Variants in ZNF717 observed in about 807,000 individuals in gnomAD.
ZNF717 encodes the protein zinc finger protein 717.
Under a neutral mutation model 13.8 loss-of-function variants are expected in ZNF717, and 9 were observed. That is an observed-to-expected ratio of 0.65 (90% CI 0.39 to 1.14). The LOEUF (loss-of-function observed/expected upper bound fraction) is 1.14. ZNF717 is among the 50% of genes most tolerant of loss of function. The pLI, the probability that ZNF717 is intolerant of heterozygous loss-of-function variation, is 0.01. For missense variants in ZNF717, 1,040 were observed against 1,080.7 expected (o/e 0.96, Z 0.53); for synonymous variants, 327 against 364.1 (o/e 0.90, Z 1.16).
At chr3:75,726,396 GTGGATCACT>G (rs1490295619), downstream of ZNF717, among the ~76,000 whole-genome samples, 1 of 152,254 alleles carries the variant, frequency 6.6e-6, no homozygotes, top group Non-Finnish European at 1.5e-5. Flanking sequence ...GTTGAGGCAG[GTGGATCACT>G]TGGGCTCATG....
intron 2 of ZNF717, among the ~76,000 whole-genome samples, chr3:75,780,060 C>A (rs562254798): frequency 7.0e-6 from 1 of 142,160 alleles, no homozygotes; most frequent in Non-Finnish European, 1.5e-5. Context: ...ATGGGAGTGA[C>A]GTGCTAAGCC....
intron 2 of ZNF717, among the ~76,000 whole-genome samples, chr3:75,756,095 A>G (rs1212106996): frequency 6.6e-6 from 1 of 152,170 alleles, no homozygotes; most frequent in Non-Finnish European, 1.5e-5. Context: ...TGCTCACTTC[A>G]CGTCTCTGTC....
chr3:75,701,381 T>C (rs796490464), intron 6 of ZNF717, among the ~76,000 whole-genome samples: 1 of 152,422 alleles, frequency 6.6e-6, no homozygotes, highest in African/African-American at 2.4e-5. Flanking sequence ...TTATAAATTA[T>C]TCAGTCTTGC....
At chr3:75,781,628 T>C (rs1944828937) in intron 2 of ZNF717, among the ~76,000 whole-genome samples, 1 of 152,184 alleles carries the variant, frequency 6.6e-6, no homozygotes. Context: ...TCCATTTGGC[T>C]CCTTCATTTA....
chr3:75,712,793 T>C (rs1937967913), intron 5 of ZNF717, among the ~76,000 whole-genome samples: 1 of 150,904 alleles, frequency 6.6e-6, no homozygotes, highest in African/African-American at 2.4e-5. Flanking sequence ...ACTGTTTTTT[T>C]GCTGAATCAA....
chr3:75,730,769 C>T (rs1283336821), intron 5 of ZNF717, among the ~76,000 whole-genome samples: 6 of 152,276 alleles, frequency 3.9e-5, no homozygotes, highest in Admixed American at 2.6e-4. Flanking sequence ...ACTGTTAAAA[C>T]CAAGAAGGAA....
intron 2 of ZNF717, among the ~76,000 whole-genome samples, chr3:75,767,714 G>A (rs1248583306): frequency 6.6e-6 from 1 of 152,224 alleles, no homozygotes; most frequent in Non-Finnish European, 1.5e-5. Context: ...TCTGCCTAAG[G>A]AGACATCTGA....
At chr3:75,771,767 A>AGCT (rs1006327826) in intron 2 of ZNF717, among the ~76,000 whole-genome samples, 1 of 152,256 alleles carries the variant, frequency 6.6e-6, no homozygotes, top group African/African-American at 2.4e-5. Context: ...TCCCAGGCAC[A>AGCT]GCTGCAGCCA....
intron 2 of ZNF717, among the ~76,000 whole-genome samples, chr3:75,750,875 T>G (rs1941710983): frequency 6.6e-6 from 1 of 151,776 alleles, no homozygotes; most frequent in African/African-American, 2.4e-5. Flanking sequence ...TATGAGGGTC[T>G]GAACGTTTGT....
intron 6 of ZNF717, among the ~76,000 whole-genome samples, chr3:75,698,047 G>T (rs1937623466): frequency 6.6e-6 from 1 of 152,298 alleles, no homozygotes; most frequent in Admixed American, 6.5e-5. Flanking sequence ...GTTTGAATTT[G>T]AAATTGATGA....
intron 5 of ZNF717, among the ~76,000 whole-genome samples, chr3:75,713,335 G>C (rs1235195167): frequency 6.6e-6 from 1 of 151,844 alleles, no homozygotes; most frequent in Non-Finnish European, 1.5e-5. Flanking sequence ...ATTTTTTGTA[G>C]AGATGGGGTT....
chr3:75,702,918 T>G (rs1355904409), intron 6 of ZNF717, among the ~76,000 whole-genome samples: 1 of 152,404 alleles, frequency 6.6e-6, no homozygotes, highest in African/African-American at 2.4e-5. Context: ...AAATTTATTT[T>G]TAGTTTATAA....
chr3:75,741,942 C>G, intron 2 of ZNF717: 1 of 618,596 alleles, frequency 1.6e-6, no homozygotes, highest in East Asian at 2.9e-5. Context: ...TCTGGGAATT[C>G]ACTCTTTGGT....
In ZNF717 at chr3:75,738,737, AT is replaced by A; in HGVS notation, c.885del (p.Lys295AsnfsTer284). 1 of 1,552,026 alleles carries A rather than the reference AT, an allele frequency of 6.4e-7. No individual in the cohort carries two copies. The highest frequency in any genetic ancestry group is 2.4e-5 in the East Asian group (1 of 40,946). ...CVECEKPSIS[K>X]SDLMLQCKMP... ...ATCTTGCACTGTAGCATAAGGTCTG[AT>A]TTGCTAATGGAGGGTTTCTCACATT... On this transcript the variant is annotated frameshift_variant, in exon 5 of 5. Transcript: ENST00000652011. LOFTEE classifies it low-confidence loss of function (END_TRUNC).
intron 2 of ZNF717, among the ~76,000 whole-genome samples, chr3:75,773,186 A>G (rs771872767): frequency 6.6e-6 from 1 of 152,014 alleles, no homozygotes; most frequent in African/African-American, 2.4e-5. Flanking sequence ...TTTTTCTCGC[A>G]TGCTTAGGTA....
chr3:75,776,740 C>A (rs1477694610), intron 2 of ZNF717, among the ~76,000 whole-genome samples: 2 of 152,146 alleles, frequency 1.3e-5, no homozygotes, highest in African/African-American at 4.8e-5. Flanking sequence ...GTTTCTCCCC[C>A]AGAAGAAGAT....
downstream of ZNF717, among the ~76,000 whole-genome samples, chr3:75,707,480 T>C (rs1443938368): frequency 1.3e-5 from 2 of 152,300 alleles, no homozygotes; most frequent in East Asian, 1.9e-4. Context: ...GGAGCCAAGA[T>C]GGCTGAATAG....
At chr3:75,718,863 C>T (rs1938115262) in intron 4 of ZNF717, among the ~76,000 whole-genome samples, 1 of 152,202 alleles carries the variant, frequency 6.6e-6, no homozygotes, top group Non-Finnish European at 1.5e-5. Flanking sequence ...CGGGCAATAC[C>T]TGTCCATGGC....
rs1939819056 is a variant in ZNF717, at chr3:75,738,461, T to C, written c.1162A>G (p.Thr388Ala). 6.5e-7 allele frequency: 1 copy of C among 1,532,186 alleles called. No homozygotes were observed. Among genetic ancestry groups the C allele is most frequent in the Admixed American group, 2.0e-5 (1 of 49,690 alleles). The allele number at this position is 1,532,186 out of a possible 1,614,324, so 94.9% of individuals were successfully genotyped here. A position where few individuals can be genotyped will look rare whatever the true frequency, so the allele number is the denominator to read the frequency against. Residue 388 changes from threonine to alanine, a missense_variant, in exon 5 of 5, where the codon ACT becomes GCT. Coordinates refer to ENST00000652011, the MANE Select transcript of ZNF717 (RefSeq NM_001290208.3). ...CKSLLTLHHRTHSGEKPYQCS... is the reference protein window; with the variant it reads ...CKSLLTLHHRAHSGEKPYQCS... ...TGATAGGGCTTTTCCCCTGAGTGAG[T>C]TCTGTGATGTAAAGTGAGAAGTGAC...
Sources: allele counts gnomAD v4.1 joint callset (sites outside exome capture counted in the v4.1 genomes callset), GRCh38; gene constraint gnomAD v4.1.1; transcripts MANE v1.5; gene names NCBI Gene and HGNC (gene_info 2026-07-23, HGNC 2026-07-21).